Variants in NIPBL observed in about 807,000 individuals in gnomAD.
NIPBL encodes NIPBL cohesin loading factor.
NIPBL carries 19 observed loss-of-function variants against 321.8 expected under a neutral mutation model. That is an observed-to-expected ratio of 0.06 (90% CI 0.04 to 0.09). The LOEUF is 0.09. NIPBL is among the 10% of genes least tolerant of loss of function. The pLI, the probability that NIPBL is intolerant of heterozygous loss-of-function variation, is 1.00. For missense variants in NIPBL, 2,210 were observed against 3,327.0 expected (o/e 0.66, Z 8.26); for synonymous variants, 1,106 against 1,114.1 (o/e 0.99, Z 0.14).
At chr5:37,004,555 C>T (rs141645859) in intron 16 of NIPBL, among the ~76,000 whole-genome samples, 53 of 152,142 alleles carry the variant, frequency 3.5e-4, no homozygotes, top group African/African-American at 1.3e-3. Flanking sequence ...CAGGCATGCA[C>T]CACAATGCCT....
At position 37,052,407 on chromosome 5, in the gene NIPBL, A is replaced by G. The variant is rs1316337699; in HGVS notation, c.7104A>G (p.Gln2368=). ...VAGMKMSYQV[Q]QAINTCLKDP... ...GTATGAAGATGTCTTACCAGGTACAACAGGCAATCAACACATGCCTAAAAG... is the reference window on the plus strand; with the variant it reads ...GTATGAAGATGTCTTACCAGGTACAGCAGGCAATCAACACATGCCTAAAAG... Residue 2368 remains glutamine, a synonymous_variant, in exon 42 of 47, where the codon CAA becomes CAG. Coordinates refer to ENST00000282516, the MANE Select transcript of NIPBL (RefSeq NM_133433.4). 2.5e-6 allele frequency: 4 copies of G among 1,614,152 alleles called. No individual in the cohort carries two copies. Among genetic ancestry groups the G allele is most frequent in the Middle Eastern group, 1.6e-4 (1 of 6,062 alleles).
intron 1 of NIPBL, among the ~76,000 whole-genome samples, chr5:36,909,366 A>G (rs1376122411): frequency 2.0e-5 from 3 of 152,224 alleles, no homozygotes; most frequent in Non-Finnish European, 2.9e-5. Context: ...TATTCAGGAA[A>G]CTAATATAAG....
intron 1 of NIPBL, among the ~76,000 whole-genome samples, chr5:36,950,849 T>A (rs568108575): frequency 1.5e-3 from 235 of 152,280 alleles, no homozygotes; most frequent in Non-Finnish European, 2.0e-3. Flanking sequence ...CTAGGAACGC[T>A]ATTTCTTGAT....
At chr5:36,967,100 C>T (rs926337781) in intron 6 of NIPBL, among the ~76,000 whole-genome samples, 4 of 151,368 alleles carry the variant, frequency 2.6e-5, no homozygotes, top group African/African-American at 4.9e-5. Flanking sequence ...TCATACAGAT[C>T]GATAAGAACA....
intron 9 of NIPBL, among the ~76,000 whole-genome samples, chr5:36,980,754 G>A (rs1188809498): frequency 6.6e-6 from 1 of 151,652 alleles, no homozygotes; most frequent in Non-Finnish European, 1.5e-5. Flanking sequence ...AATGTATCCT[G>A]TTGTTAAGCA....
chr5:36,955,361 A>G (rs1740823475), intron 2 of NIPBL, 111 bp from the exon 3 acceptor site: 1 of 927,268 alleles, frequency 1.1e-6, no homozygotes, highest in Non-Finnish European at 1.7e-6. Flanking sequence ...GCCTTTTAAT[A>G]ATTTGTCACA....
chr5:36,914,940 G>A (rs1230140661), intron 1 of NIPBL, among the ~76,000 whole-genome samples: 2 of 151,920 alleles, frequency 1.3e-5, no homozygotes, highest in African/African-American at 4.8e-5. Flanking sequence ...ATTTTAACCT[G>A]AAACTTTTTA....
intron 44 of NIPBL, among the ~76,000 whole-genome samples, chr5:37,059,572 C>T (rs1754452288): frequency 6.6e-6 from 1 of 151,948 alleles, no homozygotes; most frequent in Non-Finnish European, 1.5e-5. Context: ...AGAAATGTTC[C>T]TTTTTTAAAA....
At chr5:36,925,816 A>G (rs1749319125) in intron 1 of NIPBL, among the ~76,000 whole-genome samples, 2 of 152,122 alleles carry the variant, frequency 1.3e-5, no homozygotes, top group Non-Finnish European at 2.9e-5. Context: ...ATTTGCCTAT[A>G]TTCTACTCAC....
chr5:37,010,029 A>G, intron 20 of NIPBL, 58 bp from the exon 21 acceptor site: 5 of 1,317,962 alleles, frequency 3.8e-6, no homozygotes, highest in Admixed American at 1.7e-5. Flanking sequence ...CAGACAATAG[A>G]TGACATTTAA....
intron 1 of NIPBL, among the ~76,000 whole-genome samples, chr5:36,879,578 A>G (rs779867997): frequency 6.6e-6 from 1 of 152,174 alleles, no homozygotes; most frequent in Non-Finnish European, 1.5e-5. Context: ...GTTTCCCTAA[A>G]GAGTGTAGAG....
chr5:37,032,412 TGTGTGTG>T (rs1383804862), intron 32 of NIPBL, among the ~76,000 whole-genome samples: 1 of 150,040 alleles, frequency 6.7e-6, no homozygotes, highest in Non-Finnish European at 1.5e-5. Context: ...TGTGTGTGTG[TGTGTGTG>T]TGTGTGTGTG....
At position 36,913,469 on chromosome 5, in the gene NIPBL, A is replaced by G. The variant is rs564554288; in HGVS notation, c.-80+36291A>G. ...GCAGTGGCATGATTACAGCTACTGC[A>G]TCTTCTACTTCCTGGGCTCAAGCCA... On this transcript the variant is annotated intron_variant, in intron 1 of 46. Coordinates refer to ENST00000282516, the MANE Select transcript of NIPBL (RefSeq NM_133433.4). 2.0e-5 allele frequency among the ~76,000 whole-genome samples: 3 copies of G among 148,474 alleles called. No homozygotes were observed. The South Asian group carries it at 6.3e-4, about 31-fold the overall frequency.
intron 21 of NIPBL, 136 bp downstream of exon 21, chr5:37,010,361 G>C: frequency 1.4e-6 from 1 of 695,638 alleles, no homozygotes; most frequent in East Asian, 3.3e-5. Flanking sequence ...TGTCACCCAG[G>C]CTGGAGTGCA....
At chr5:37,046,032 G>T in intron 37 of NIPBL, 77 bp from the exon 38 acceptor site, 1 of 766,614 alleles carries the variant, frequency 1.3e-6, no homozygotes, top group Non-Finnish European at 2.3e-6. Context: ...TTGTTTTAAG[G>T]TATTTTTTTC....
intron 32 of NIPBL, among the ~76,000 whole-genome samples, chr5:37,035,292 A>G (rs1054825100): frequency 4.6e-5 from 7 of 152,232 alleles, no homozygotes; most frequent in African/African-American, 1.7e-4. Context: ...CTAGAATGTG[A>G]TATTAATAGC....
At chr5:37,052,642 T>C (rs1753688528) in intron 42 of NIPBL, 76 bp downstream of exon 42, 1 of 1,099,400 alleles carries the variant, frequency 9.1e-7, no homozygotes, top group Non-Finnish European at 1.4e-6. Flanking sequence ...ATTTTTTAAA[T>C]ATTACCATTT....
chr5:36,883,219 G>A (rs1031732355), intron 1 of NIPBL, among the ~76,000 whole-genome samples: 1 of 151,398 alleles, frequency 6.6e-6, no homozygotes, highest in African/African-American at 2.4e-5. Flanking sequence ...AATTCATGTA[G>A]GTAAATTGCT....
At chr5:37,052,635 T>A in intron 42 of NIPBL, 69 bp downstream of exon 42, 9 of 1,155,226 alleles carry the variant, frequency 7.8e-6, no homozygotes, top group Non-Finnish European at 1.2e-5. Context: ...AGTAGTCATT[T>A]TTTAAATATT....
Sources: allele counts gnomAD v4.1 joint callset (sites outside exome capture counted in the v4.1 genomes callset), GRCh38; gene constraint gnomAD v4.1.1; transcripts MANE v1.5; gene names NCBI Gene and HGNC (gene_info 2026-07-23, HGNC 2026-07-21).